ACTN3: variants seen among roughly 807,000 people sequenced by gnomAD.
ACTN3 encodes the protein alpha-actinin-3.
In ACTN3, 91 loss-of-function variants were observed where a neutral mutation model predicts 119.6. The ratio of observed to expected loss-of-function variants is 0.76; its 90% CI spans 0.64 to 0.91. The LOEUF (loss-of-function observed/expected upper bound fraction) is 0.91. Among genes scored for constraint, ACTN3 ranks in the 40% least tolerant of loss-of-function variants. The pLI is 0.00. For synonymous variants in ACTN3, 456 were observed against 478.8 expected, an observed-to-expected ratio of 0.95 and a Z score of 0.62; for missense variants, 1,221 against 1,215.1, an observed-to-expected ratio of 1.00 and a Z score of -0.07.
chr11:66,561,535 C>A lies in ACTN3; in HGVS notation c.2073C>A (p.Asn691Lys). 6.2e-7 allele frequency: 1 copy of A among 1,610,888 alleles called. No homozygotes were observed. Among genetic ancestry groups the A allele is most frequent in the Non-Finnish European group, 8.5e-7 (1 of 1,178,578 alleles). ...QMAGLRQQEQ[N>K]IINYKTNIDR... ...CTGGGCTACGGCAGCAGGAGCAGAA[C>A]ATTATCAACTACAAGACTAACATTG... The change falls in exon 17 of 21, where the codon AAC becomes AAA. Residue 691 changes from asparagine (N) to lysine (K), a missense_variant. By Grantham distance (94) the Asn-to-Lys change is moderately conservative. Transcript: ENST00000513398.
intron 4 of ACTN3, 157 bp downstream of exon 4, chr11:66,554,288 AC>A (rs59749879): frequency 0.49 from 55,206 of 112,752 alleles, 18,458 homozygotes; most frequent in African/African-American, 0.8. Context: ...TACAAAAAAT[AC>A]CAAAAAAAAA....
In ACTN3 at chr11:66,562,145, G is replaced by A; in HGVS notation, c.2299G>A (p.Ala767Thr). The change falls in exon 18 of 21, where the codon GCA (alanine) becomes ACA (threonine). Residue 767 changes from alanine to threonine, a missense_variant. Physicochemically the swap from Ala to Thr is moderately conservative, Grantham distance 58. This residue lies in a region of ACTN3 where 934 missense variants were observed against 899.9 expected (regional missense o/e 1.04). Coordinates refer to ENST00000513398, the MANE Select transcript of ACTN3 (RefSeq NM_001104.4). ...CCAGGAGCAGCTCAACGAGTTCCGA[G>A]CATCCTTCAACCACTTTGACAGGGT... The part of the protein sequence containing the change: ...LSQEQLNEFR[A>T]SFNHFDRKQN... 6.2e-7 allele frequency: 1 copy of A among 1,614,052 alleles called. No individual in the cohort carries two copies. Among genetic ancestry groups the A allele is most frequent in the South Asian group, 1.1e-5 (1 of 91,082 alleles).
At chr11:66,561,408 C>G in intron 16 of ACTN3, 47 bp downstream of exon 16, 1 of 1,605,670 alleles carries the variant, frequency 6.2e-7, no homozygotes, top group Non-Finnish European at 8.5e-7. Context: ...GGGGCCAGGG[C>G]TGGGCCACAG....
intron 17 of ACTN3, 87 bp from the exon 18 acceptor site, chr11:66,561,935 G>A: frequency 1.3e-6 from 2 of 1,498,046 alleles, no homozygotes; most frequent in East Asian, 2.5e-5. Flanking sequence ...GACTTGCCCA[G>A]GGTCATTCAG....
chr11:66,560,315 G>A lies in ACTN3; in HGVS notation c.1677+4G>A, dbSNP rs1440188679. ...ACACTCTGTGGAGGAGACCCAGGTG[G>A]GTGCCAGGGTTGCAGGGGATGGATA... On this transcript the variant is annotated splice_donor_region_variant and intron_variant, in intron 14 of 20. Coordinates refer to ENST00000513398, the MANE Select transcript of ACTN3 (RefSeq NM_001104.4). The A allele has an allele frequency of 6.2e-7, 1 of 1,611,146 alleles. No homozygotes were observed. The highest frequency in any genetic ancestry group is 8.5e-7 in the Non-Finnish European group (1 of 1,178,566).
At chr11:66,546,516 G>A (rs1857342824), upstream of ACTN3, 2 of 1,535,306 alleles carry the variant, frequency 1.3e-6, no homozygotes, top group East Asian at 2.4e-5. Flanking sequence ...GTGAAATGGG[G>A]ATAGGGCTCT....
In ACTN3 at chr11:66,561,632, A is replaced by G; in HGVS notation, c.2170A>G (p.Met724Val). The change falls in exon 17 of 21, where the codon ATG (methionine) becomes GTG (valine). Residue 724 changes from methionine (M) to valine (V), a missense_variant. This residue lies in a region of ACTN3 where 934 missense variants were observed against 899.9 expected (regional missense o/e 1.04). Transcript: ENST00000513398. ...VFDNKHTVYS[M>V]EHIRVGWEQL... is the part of the protein sequence containing the mutation. ...CGACAATAAGCACACCGTCTACAGC[A>G]TGGAGGTGGGATCACACCCTCTCAG... is the stretch of plus-strand genomic sequence containing the variant. 1.2e-6 allele frequency: 2 copies of G among 1,611,406 alleles called. No homozygotes were observed. Among genetic ancestry groups the G allele is most frequent in the Non-Finnish European group, 1.7e-6 (2 of 1,178,880 alleles).
chr11:66,561,595 G>A lies in ACTN3; in HGVS notation c.2133G>A (p.Glu711=), dbSNP rs1304481851. The A allele has an allele frequency of 2.5e-6, 4 of 1,613,116 alleles. No individual in the cohort carries two copies. In the South Asian group the frequency reaches 3.3e-5, roughly 13 times the overall value. Residue 711 remains glutamate (E), a synonymous_variant, in exon 17 of 21, where the codon GAG becomes GAA. Coordinates refer to ENST00000513398, the MANE Select transcript of ACTN3 (RefSeq NM_001104.4). ...AGGGTGACCACCAGCTGCTGCAGGA[G>A]AGCCTGGTGTTCGACAATAAGCACA... The part of the protein sequence containing the change: ...RLEGDHQLLQ[E]SLVFDNKHTV...
At position 66,561,511 on chromosome 11, in the gene ACTN3, T is replaced by G; in HGVS notation, c.2049T>G (p.Ala683=). The change falls in exon 17 of 21, where the codon GCT becomes GCG. Residue 683 remains alanine, a synonymous_variant. Transcript: ENST00000513398. ...CTGGCTCTCTGGAGGAGCAGATGGC[T>G]GGGCTACGGCAGCAGGAGCAGAACA... The part of the protein sequence containing the change: ...GLAGSLEEQM[A]GLRQQEQNII... 2.5e-6 allele frequency: 4 copies of G among 1,606,504 alleles called. No homozygotes were observed. The highest frequency in any genetic ancestry group is 3.4e-6 in the Non-Finnish European group (4 of 1,176,584).
At position 66,559,402 on chromosome 11, in the gene ACTN3, C is replaced by CG. The variant is rs1857687538; in HGVS notation, c.1427+20dup. The CG allele has an allele frequency of 1.4e-6, 2 of 1,477,432 alleles. No individual in the cohort carries two copies. Among genetic ancestry groups the CG allele is most frequent in the African/African-American group, 3.0e-5 (2 of 67,402 alleles). 91.5% of individuals were successfully genotyped at this position (1,477,432 alleles called of 1,614,324 possible). On this transcript the variant is annotated intron_variant, in intron 12 of 20. Coordinates refer to ENST00000513398, the MANE Select transcript of ACTN3 (RefSeq NM_001104.4). Reference sequence around the variant, plus strand: ...AGGAGCTCAAGTAGGCGGGGCCTCGCGGGGCCCGCCCCCAACACCCCCGGC... The same window carrying CG: ...AGGAGCTCAAGTAGGCGGGGCCTCGCGGGGGCCCGCCCCCAACACCCCCGGC...
upstream of ACTN3, chr11:66,546,575 G>A (rs1044922806): frequency 8.5e-6 from 13 of 1,535,516 alleles, no homozygotes; most frequent in Non-Finnish European, 1.1e-5. Flanking sequence ...AGCTCCAGAG[G>A]GCAGCCTCTA....
chr11:66,551,667 G>C lies in ACTN3; in HGVS notation c.382+20G>C. 1 of 1,612,754 alleles carries C rather than the reference G, an allele frequency of 6.2e-7. No individual in the cohort carries two copies. Among genetic ancestry groups the C allele is most frequent in the Non-Finnish European group, 8.5e-7 (1 of 1,179,910 alleles). On this transcript the variant is annotated intron_variant, in intron 3 of 20. Transcript: ENST00000513398. Reference sequence around the variant, plus strand: ...CTGAAGGTGAGGAGGTGGCAGGAAGGGTCTTGGGCAGGGCACAGGGGCCTC... The same window carrying C: ...CTGAAGGTGAGGAGGTGGCAGGAAGCGTCTTGGGCAGGGCACAGGGGCCTC...
chr11:66,555,330 G>T lies in ACTN3; in HGVS notation c.681G>T (p.Glu227Asp), dbSNP rs1217784639. The change falls in exon 7 of 21, where the codon GAG becomes GAT. Residue 227 changes from glutamate (E) to aspartate (D), a missense_variant. Glu to Asp is a conservative substitution (Grantham distance 45, BLOSUM62 2). Around this residue, in one of 3 missense-constraint regions of ACTN3, gnomAD observed 48 missense variants for 83.4 expected, o/e 0.58. Coordinates refer to ENST00000513398, the MANE Select transcript of ACTN3 (RefSeq NM_001104.4). Reference protein sequence around the residue: ...GNLNTAFEVAEKYLDIPKMLD... With the variant: ...GNLNTAFEVADKYLDIPKMLD... ...TGAACACTGCCTTTGAGGTGGCAGA[G>T]AAATACCTGGACATCCCCAAGATGT... 3.1e-6 allele frequency: 5 copies of T among 1,614,134 alleles called. No homozygotes were observed. In the South Asian group the frequency reaches 5.5e-5, roughly 18 times the overall value.
Position 66,561,326 on chromosome 11 carries a change from A to C in ACTN3, c.1960A>C (p.Asn654His). The change falls in exon 16 of 21, where the codon AAT (asparagine) becomes CAT (histidine). Residue 654 changes from asparagine to histidine, a missense_variant. Asn to His is a moderately conservative substitution (Grantham distance 68). This residue lies in a region of ACTN3 where 934 missense variants were observed against 899.9 expected (regional missense o/e 1.04). Transcript: ENST00000513398. The part of the protein sequence containing the change: ...RLRRQFAAQA[N>H]AIGPWIQAKV... ...CCGGCGACAGTTTGCGGCCCAGGCC[A>C]ATGCCATTGGACCCTGGATCCAGGC... 1.9e-6 allele frequency: 3 copies of C among 1,611,918 alleles called. No homozygotes were observed. The South Asian group carries it at 3.3e-5, about 18-fold the overall frequency.
In ACTN3 at chr11:66,562,788, C is replaced by T; in HGVS notation, c.2389-8C>T. The T allele has an allele frequency of 1.3e-6, 2 of 1,599,814 alleles. No individual in the cohort carries two copies. Among genetic ancestry groups the T allele is most frequent in the Non-Finnish European group, 1.7e-6 (2 of 1,171,786 alleles). On this transcript the variant is annotated splice_polypyrimidine_tract_variant and splice_region_variant and intron_variant, in intron 19 of 20. Transcript: ENST00000513398. ...CATGGGCATAGTGCCTGGCCTCTAT[C>T]CCTGCAGGGGGAAGTGGAGTTTGCT...
rs1331360130 is a variant in ACTN3, at chr11:66,557,122, T to TC, written c.805-5dup. 8 of 1,547,820 alleles carry TC rather than the reference T, an allele frequency of 5.2e-6. No individual in the cohort carries two copies. The highest frequency in any genetic ancestry group is 7.0e-6 in the Non-Finnish European group (8 of 1,144,594). On this transcript the variant is annotated splice_polypyrimidine_tract_variant and intron_variant, in intron 8 of 20. Coordinates refer to ENST00000513398, the MANE Select transcript of ACTN3 (RefSeq NM_001104.4). ...GCTTTAATGCCAGCCTTCTGCCCAC[T>TC]CCCCCCACAGGCAGAGACAGCTGCC...
At chr11:66,551,465 G>A in intron 2 of ACTN3, 63 bp from the exon 3 acceptor site, 1 of 1,580,516 alleles carries the variant, frequency 6.3e-7, no homozygotes, top group Non-Finnish European at 8.6e-7. Flanking sequence ...GGGAGAGTTT[G>A]CGGACAATAG....
chr11:66,562,161 T>G lies in ACTN3; in HGVS notation c.2315T>G (p.Phe772Cys). The G allele has an allele frequency of 3.0e-5, 49 of 1,613,910 alleles. No homozygotes were observed. Among genetic ancestry groups the G allele is most frequent in the Non-Finnish European group, 4.2e-5 (49 of 1,179,914 alleles). ...GAGTTCCGAGCATCCTTCAACCACT[T>G]TGACAGGGTCAGCAGGGGCCTGGCC... is the stretch of plus-strand genomic sequence containing the variant. ...LNEFRASFNHFDRKQNGMMEP... is the reference protein window; with the variant it reads ...LNEFRASFNHCDRKQNGMMEP... The change falls in exon 18 of 21, where the codon TTT (phenylalanine) becomes TGT (cysteine). Residue 772 changes from phenylalanine (F) to cysteine (C), a missense_variant. Physicochemically the swap from Phe to Cys is radical, Grantham distance 205 (BLOSUM62 -2). Coordinates refer to ENST00000513398, the MANE Select transcript of ACTN3 (RefSeq NM_001104.4).
At position 66,555,333 on chromosome 11, in the gene ACTN3, A is replaced by G; in HGVS notation, c.684A>G (p.Lys228=). 6.2e-7 allele frequency: 1 copy of G among 1,614,124 alleles called. No individual in the cohort carries two copies. The highest frequency in any genetic ancestry group is 8.5e-7 in the Non-Finnish European group (1 of 1,179,994). The stretch of plus-strand genomic sequence containing the variant: ...ACACTGCCTTTGAGGTGGCAGAGAA[A>G]TACCTGGACATCCCCAAGATGTTGG... The part of the protein sequence containing the change: ...NLNTAFEVAE[K]YLDIPKMLDA... Residue 228 remains lysine, a synonymous_variant, in exon 7 of 21, where the codon AAA becomes AAG. Transcript: ENST00000513398.
Sources: gnomAD v4.1 joint callset for allele counts on GRCh38, gnomAD v4.1.1 for gene constraint, gnomAD v4.1.1 regional missense constraint, MANE v1.5 for transcripts, NCBI Gene and HGNC (gene_info 2026-07-23, HGNC 2026-07-21) for gene names.